The following PDZRN4 variants were observed in gnomAD, a reference collection of about 807,000 sequenced individuals.
PDZRN4 encodes PDZ domain containing ring finger 4, also known as PDZ domain-containing RING finger protein 4.
A neutral mutation model predicts 99.0 loss-of-function variants in PDZRN4; 70 were observed. That is an observed-to-expected ratio of 0.71 (90% CI 0.58 to 0.86). The LOEUF (loss-of-function observed/expected upper bound fraction) is 0.86. PDZRN4 is among the 40% of genes least tolerant of loss of function. PDZRN4 has a pLI of 0.00. For missense variants in PDZRN4, 1,474 were observed against 1,331.2 expected (o/e 1.11, Z -1.67); for synonymous variants, 551 against 501.6 (o/e 1.10, Z -1.32).
chr12:41,380,304 T>C (rs767249804), intron 3 of PDZRN4, among the ~76,000 whole-genome samples: 14 of 152,076 alleles, frequency 9.2e-5, no homozygotes, highest in African/African-American at 3.4e-4. Flanking sequence ...TTAGCCACTC[T>C]GTCTTTTGAT....
chr12:41,500,680 A>T (rs956713992), intron 3 of PDZRN4, among the ~76,000 whole-genome samples: 4 of 152,044 alleles, frequency 2.6e-5, no homozygotes, highest in Non-Finnish European at 5.9e-5. Context: ...TATGTTTTAC[A>T]CTGTGCTATA....
At chr12:41,535,934 G>C (rs554594581) in intron 5 of PDZRN4, among the ~76,000 whole-genome samples, 1 of 152,196 alleles carries the variant, frequency 6.6e-6, no homozygotes, top group South Asian at 2.1e-4. Flanking sequence ...TGTGTAAATG[G>C]ACTAAGGCAA....
intron 3 of PDZRN4, among the ~76,000 whole-genome samples, chr12:41,475,606 A>G (rs760788985): frequency 3.3e-5 from 5 of 152,214 alleles, no homozygotes; most frequent in Non-Finnish European, 5.9e-5. Context: ...TCTTGATTAT[A>G]AATAGCAAAG....
chr12:41,308,435 T>C (rs1264479540), intron 3 of PDZRN4, among the ~76,000 whole-genome samples: 1 of 152,158 alleles, frequency 6.6e-6, no homozygotes, highest in African/African-American at 2.4e-5. Context: ...TATTCATATG[T>C]GTAAAAAATG....
chr12:41,568,365 C>T (rs1230813730), intron 9 of PDZRN4, among the ~76,000 whole-genome samples: 2 of 152,090 alleles, frequency 1.3e-5, no homozygotes, highest in Non-Finnish European at 2.9e-5. Flanking sequence ...TACTGGATGG[C>T]GTGATTACAC....
chr12:41,540,585 C>G (rs560685186), intron 5 of PDZRN4, among the ~76,000 whole-genome samples: 14 of 152,228 alleles, frequency 9.2e-5, no homozygotes, highest in African/African-American at 2.6e-4. Flanking sequence ...ATTGTCATTC[C>G]TCATCAGCAT....
chr12:41,324,637 C>A (rs74079530), intron 3 of PDZRN4, among the ~76,000 whole-genome samples: 2,439 of 151,950 alleles, frequency 0.016, 72 homozygotes, highest in African/African-American at 0.055. Flanking sequence ...TTCTATAAAT[C>A]CAGATAGGTA....
intron 7 of PDZRN4, among the ~76,000 whole-genome samples, chr12:41,562,636 C>T (rs1034637498): frequency 6.6e-6 from 1 of 151,452 alleles, no homozygotes; most frequent in Non-Finnish European, 1.5e-5. Context: ...ATTAAATATC[C>T]AAAGGAAAAA....
intron 3 of PDZRN4, among the ~76,000 whole-genome samples, chr12:41,318,211 A>T (rs555400062): frequency 2.0e-5 from 3 of 152,288 alleles, no homozygotes; most frequent in African/African-American, 7.2e-5. Flanking sequence ...GATAATCAAA[A>T]TGACCTGGGA....
At position 41,574,237 on chromosome 12, in the gene PDZRN4, T is replaced by C. The variant is rs1291401231; in HGVS notation, c.*347T>C. The C allele has an allele frequency of 6.0e-6, 1 of 166,508 alleles. No homozygotes were observed. The highest frequency in any genetic ancestry group is 2.4e-5 in the African/African-American group (1 of 42,080). 10.3% of individuals were successfully genotyped at this position (166,508 alleles called of 1,614,324 possible). On this transcript the variant is annotated 3_prime_UTR_variant, in exon 10 of 10. Coordinates refer to ENST00000402685, the MANE Select transcript of PDZRN4 (RefSeq NM_001164595.2). ...ATGTAAGTGAAAATCTGGATTTATT[T>C]CTCTAGTTTACTTATTTTCTACTTT...
chr12:41,559,487 CTTTCCAAGGAG>C (rs1328711633), intron 7 of PDZRN4, among the ~76,000 whole-genome samples: 1 of 152,146 alleles, frequency 6.6e-6, no homozygotes, highest in Admixed American at 6.5e-5. Context: ...ATATGACCAG[CTTTCCAAGGAG>C]TTTCCAAGGA....
intron 3 of PDZRN4, among the ~76,000 whole-genome samples, chr12:41,346,221 G>A (rs899850601): frequency 5.3e-5 from 8 of 152,206 alleles, no homozygotes; most frequent in Non-Finnish European, 1.0e-4. Context: ...CCAGCACTTT[G>A]GGAGGCCGAG....
At chr12:41,270,748 CAT>C (rs1266135428) in intron 3 of PDZRN4, among the ~76,000 whole-genome samples, 1 of 152,064 alleles carries the variant, frequency 6.6e-6, no homozygotes, top group East Asian at 1.9e-4. Flanking sequence ...ATGCAGATTA[CAT>C]GCAAAATTTA....
intron 3 of PDZRN4, among the ~76,000 whole-genome samples, chr12:41,387,990 C>G (rs1952183919): frequency 6.6e-6 from 1 of 152,168 alleles, no homozygotes; most frequent in Non-Finnish European, 1.5e-5. Flanking sequence ...CCTTGCAACA[C>G]TATCCACAAT....
chr12:41,556,865 A>T (rs1343536023), intron 7 of PDZRN4, among the ~76,000 whole-genome samples: 1 of 152,136 alleles, frequency 6.6e-6, no homozygotes, highest in African/African-American at 2.4e-5. Flanking sequence ...GAATGGCTGC[A>T]GGGGCCAGGC....
chr12:41,334,104 C>A (rs1311144200), intron 3 of PDZRN4, among the ~76,000 whole-genome samples: 1 of 152,036 alleles, frequency 6.6e-6, no homozygotes, highest in African/African-American at 2.4e-5. Context: ...GGGCAAAGGC[C>A]ACCCTTCTCT....
At chr12:41,391,066 C>T (rs1330338187) in intron 3 of PDZRN4, among the ~76,000 whole-genome samples, 1 of 152,048 alleles carries the variant, frequency 6.6e-6, no homozygotes, top group Non-Finnish European at 1.5e-5. Flanking sequence ...TCAGAAAGTC[C>T]CAAGACTTGG....
chr12:41,493,599 G>A (rs531570607), intron 3 of PDZRN4, among the ~76,000 whole-genome samples: 3 of 152,172 alleles, frequency 2.0e-5, no homozygotes, highest in South Asian at 2.1e-4. Context: ...CGTTGTACAC[G>A]CATGCTCTCA....
At chr12:41,571,343 C>G (rs1229273014) in intron 9 of PDZRN4, among the ~76,000 whole-genome samples, 1 of 93,230 alleles carries the variant, frequency 1.1e-5, no homozygotes, top group Non-Finnish European at 2.1e-5. Context: ...GAGTCTCTCT[C>G]TCTCTCTCTC....
Sources: allele counts gnomAD v4.1 joint callset (sites outside exome capture counted in the v4.1 genomes callset), GRCh38; gene constraint gnomAD v4.1.1; transcripts MANE v1.5; gene names NCBI Gene and HGNC (gene_info 2026-07-23, HGNC 2026-07-21).